MYO9A: variants seen among roughly 807,000 people sequenced by gnomAD.
MYO9A encodes unconventional myosin-IXa.
Under a neutral mutation model 293.3 loss-of-function variants are expected in MYO9A, and 103 were observed. The observed-to-expected ratio is 0.35, with a 90% CI of 0.30 to 0.41. The LOEUF (loss-of-function observed/expected upper bound fraction) is 0.41. Ranked by LOEUF, MYO9A falls within the 10% of genes least tolerant of loss-of-function variation. MYO9A has a pLI of 1.00. For missense variants in MYO9A, 2,685 were observed against 3,033.0 expected (o/e 0.89, Z 2.69); for synonymous variants, 1,001 against 1,035.7 (o/e 0.97, Z 0.64).
At chr15:71,882,266 T>C (rs1050813104) in intron 28 of MYO9A, among the ~76,000 whole-genome samples, 2 of 152,204 alleles carry the variant, frequency 1.3e-5, no homozygotes, top group Admixed American at 6.5e-5. Flanking sequence ...CTTGGATGTA[T>C]ATCTCTGTTG....
intron 14 of MYO9A, chr15:71,959,355 C>G (rs2059272595): frequency 6.6e-6 from 1 of 152,350 alleles, no homozygotes; most frequent in East Asian, 1.9e-4. Context: ...TTTGGGAGTC[C>G]TGAAAGCACA....
intron 11 of MYO9A, among the ~76,000 whole-genome samples, chr15:71,988,419 C>T (rs1270710012): frequency 2.0e-5 from 3 of 152,130 alleles, no homozygotes; most frequent in Non-Finnish European, 2.9e-5. Flanking sequence ...TGATAAGTAA[C>T]ACTACATAAC....
At chr15:72,007,202 C>CTA (rs918247916) in intron 8 of MYO9A, among the ~76,000 whole-genome samples, 7 of 151,922 alleles carry the variant, frequency 4.6e-5, no homozygotes, top group African/African-American at 1.7e-4. Context: ...ACGATAGGGC[C>CTA]TATAAGAAAT....
chr15:72,030,241 T>C (rs2077819830), intron 3 of MYO9A, among the ~76,000 whole-genome samples: 4 of 152,236 alleles, frequency 2.6e-5, no homozygotes, highest in Admixed American at 2.6e-4. Context: ...ATATGTTAAA[T>C]CCTCACAACC....
At chr15:72,080,258 A>C (rs2079499134) in intron 1 of MYO9A, among the ~76,000 whole-genome samples, 1 of 151,730 alleles carries the variant, frequency 6.6e-6, no homozygotes, top group South Asian at 2.1e-4. Flanking sequence ...TGCTATTATG[A>C]TATAAAATCA....
At position 71,898,552 on chromosome 15, in the gene MYO9A, A is replaced by G. The variant is rs1323961534; in HGVS notation, c.3951T>C (p.Ser1317=). 6.2e-7 allele frequency: 1 copy of G among 1,613,932 alleles called. No homozygotes were observed. The highest frequency in any genetic ancestry group is 8.5e-7 in the Non-Finnish European group (1 of 1,180,022). ...STELVPEGLQ[S]PRGTPDSESS... ...TCTCACTATCAGGTGTACCCCGTGG[A>G]GACTGAAGGCCTTCAGGCACCAATT... Residue 1317 remains serine, a synonymous_variant, in exon 25 of 42, where the codon TCT becomes TCC. Coordinates refer to ENST00000356056, the MANE Select transcript of MYO9A (RefSeq NM_006901.4).
intron 5 of MYO9A, among the ~76,000 whole-genome samples, chr15:72,020,154 T>C (rs1566955285): frequency 6.6e-6 from 1 of 152,170 alleles, no homozygotes; most frequent in Non-Finnish European, 1.5e-5. Context: ...TTAATGGTCA[T>C]AAAGGGATTT....
intron 1 of MYO9A, among the ~76,000 whole-genome samples, chr15:72,100,493 G>A (rs1019518770): frequency 2.6e-5 from 4 of 151,258 alleles, no homozygotes; most frequent in African/African-American, 4.9e-5. Context: ...CCGACCGGCC[G>A]CCATCCCATC....
intron 39 of MYO9A, among the ~76,000 whole-genome samples, chr15:71,845,176 CT>C (rs574844443): frequency 3.3e-5 from 5 of 151,806 alleles, no homozygotes; most frequent in Non-Finnish European, 7.4e-5. Context: ...TTATCCAAGG[CT>C]TTTTTTTGAA....
At chr15:71,908,471 A>C (rs1406140542) in intron 19 of MYO9A, among the ~76,000 whole-genome samples, 1 of 152,128 alleles carries the variant, frequency 6.6e-6, no homozygotes, top group East Asian at 1.9e-4. Context: ...GATAATATCC[A>C]TTTCTTAATT....
intron 26 of MYO9A, 161 bp downstream of exon 26, chr15:71,893,518 C>T: frequency 1.5e-6 from 1 of 646,086 alleles, no homozygotes; most frequent in South Asian, 2.1e-5. Flanking sequence ...GCCTGGAGTA[C>T]ACCTTCATAA....
chr15:71,902,244 T>C (rs1249721243), intron 22 of MYO9A, among the ~76,000 whole-genome samples: 1 of 151,868 alleles, frequency 6.6e-6, no homozygotes, highest in Non-Finnish European at 1.5e-5. Flanking sequence ...GAAGCCACAA[T>C]ATGAAGGTTC....
intron 16 of MYO9A, among the ~76,000 whole-genome samples, chr15:71,935,930 ACTCACTACT>A (rs2058630801): frequency 6.7e-6 from 1 of 150,030 alleles, no homozygotes; most frequent in African/African-American, 2.5e-5. Flanking sequence ...ACACACACAC[ACTCACTACT>A]CACACACCCA....
chr15:71,946,962 T>C (rs2058931912), intron 15 of MYO9A, among the ~76,000 whole-genome samples: 1 of 151,990 alleles, frequency 6.6e-6, no homozygotes, highest in Admixed American at 6.6e-5. Context: ...AATAAAATTT[T>C]AAAAATTAGC....
intron 31 of MYO9A, among the ~76,000 whole-genome samples, chr15:71,877,090 A>T (rs1468858329): frequency 6.6e-6 from 1 of 152,208 alleles, no homozygotes; most frequent in East Asian, 1.9e-4. Flanking sequence ...AACATAATCA[A>T]TACAAAATAT....
At chr15:72,032,919 C>T (rs1295781829) in intron 2 of MYO9A, among the ~76,000 whole-genome samples, 3 of 152,074 alleles carry the variant, frequency 2.0e-5, no homozygotes, top group South Asian at 2.1e-4. Context: ...GGTGTGATTT[C>T]GGCTCACTGC....
intron 1 of MYO9A, among the ~76,000 whole-genome samples, chr15:72,048,191 G>A (rs1265292079): frequency 1.3e-5 from 2 of 151,908 alleles, no homozygotes; most frequent in Non-Finnish European, 2.9e-5. Context: ...CCTGAGGTCA[G>A]GAGTTCGAGA....
rs370462797 is a variant in MYO9A, at chr15:71,897,697, G to A, written c.4806C>T (p.Thr1602=). The change falls in exon 25 of 42, where the codon ACC becomes ACT. Residue 1602 remains threonine (T), a synonymous_variant. Coordinates refer to ENST00000356056, the MANE Select transcript of MYO9A (RefSeq NM_006901.4). ...GACTTCCTTTTCTTTCAAAGAACAC[G>A]GTGACAGGTCGGTCCTTTGGGGGTA... is the stretch of plus-strand genomic sequence containing the variant. The part of the protein sequence containing the change: ...AHLPPKDRPV[T]VFFERKGSPC... 42 of 1,613,980 alleles carry A rather than the reference G, an allele frequency of 2.6e-5. No individual in the cohort carries two copies. The highest frequency in any genetic ancestry group is 3.2e-5 in the Non-Finnish European group (38 of 1,180,032).
intron 39 of MYO9A, among the ~76,000 whole-genome samples, chr15:71,830,889 A>G (rs1358567196): frequency 6.6e-6 from 1 of 152,100 alleles, no homozygotes; most frequent in African/African-American, 2.4e-5. Context: ...TCATTTATAG[A>G]ACACAGGGTG....
Sources: allele counts gnomAD v4.1 joint callset (sites outside exome capture counted in the v4.1 genomes callset), GRCh38; gene constraint gnomAD v4.1.1; transcripts MANE v1.5; gene names NCBI Gene and HGNC (gene_info 2026-07-23, HGNC 2026-07-21).